FAM24B: variants seen among roughly 807,000 people sequenced by gnomAD.
The protein encoded by FAM24B is family with sequence similarity 24 member B.
In FAM24B, 3 loss-of-function variants were observed where a neutral mutation model predicts 2.3. The ratio of observed to expected loss-of-function variants is 1.29; its 90% CI spans 0.59 to 3.32. The LOEUF is 3.32. Ranked by LOEUF, FAM24B falls within the 30% of genes most tolerant of loss-of-function variation. The probability of loss-of-function intolerance (pLI) is 0.03; values close to 1 mark genes in which losing one functional copy is unlikely to be tolerated. For synonymous variants in FAM24B, 36 were observed against 46.3 expected, an observed-to-expected ratio of 0.78 and a Z score of 0.90; for missense variants, 98 against 117.2, an observed-to-expected ratio of 0.84 and a Z score of 0.76.
At chr10:122,851,894 A>G (rs566014117) in intron 2 of FAM24B, among the ~76,000 whole-genome samples, 8 of 152,336 alleles carry the variant, frequency 5.3e-5, no homozygotes, top group African/African-American at 1.9e-4. Context: ...AAATACCAAT[A>G]AAGATAAAAA....
At chr10:122,852,149 A>C (rs1847549409) in intron 2 of FAM24B, among the ~76,000 whole-genome samples, 1 of 152,214 alleles carries the variant, frequency 6.6e-6, no homozygotes, top group Non-Finnish European at 1.5e-5. Flanking sequence ...CCTCACAACA[A>C]GTAAAAAGCT....
In FAM24B at chr10:122,850,494, T is replaced by C. The variant is rs765327413; in HGVS notation, c.22A>G (p.Ile8Val). The change falls in exon 3 of 4, where the codon ATC becomes GTC. Residue 8 changes from isoleucine (I) to valine (V), a missense_variant. Transcript: ENST00000368898. ...ATCAGCAGGAGCAAGGCCGCCAGGA[T>C]ACCACCAGCGATGACAGGCATAATC... is the stretch of plus-strand genomic sequence containing the variant. MPVIAGG[I>V]LAALLLLIVV... 5.0e-6 allele frequency: 8 copies of C among 1,613,832 alleles called. No individual in the cohort carries two copies. The East Asian group carries it at 1.6e-4, about 31-fold the overall frequency.
intron 1 of FAM24B, among the ~76,000 whole-genome samples, chr10:122,865,191 G>GT (rs1339550328): frequency 1.3e-5 from 2 of 152,020 alleles, no homozygotes; most frequent in Non-Finnish European, 2.9e-5. Context: ...GTCAGGTTTT[G>GT]TTTTTTTATT....
intron 2 of FAM24B, 42 bp from the exon 3 acceptor site, chr10:122,850,592 T>TC: frequency 1.0e-6 from 1 of 989,566 alleles, no homozygotes; most frequent in Non-Finnish European, 1.6e-6. Flanking sequence ...CCACGTGGTC[T>TC]CCCTCCCCAC....
chr10:122,866,141 A>G (rs1300527202), intron 1 of FAM24B, among the ~76,000 whole-genome samples: 3 of 152,090 alleles, frequency 2.0e-5, no homozygotes, highest in Non-Finnish European at 4.4e-5. Flanking sequence ...ACCTCAGGTC[A>G]CCTGCCCAGC....
intron 1 of FAM24B, among the ~76,000 whole-genome samples, chr10:122,860,474 A>G (rs1391381491): frequency 6.6e-6 from 1 of 152,210 alleles, no homozygotes; most frequent in African/African-American, 2.4e-5. Context: ...AGCTGCTATA[A>G]TACATCCCAT....
At chr10:122,861,371 T>C (rs1453201920) in intron 1 of FAM24B, among the ~76,000 whole-genome samples, 1 of 152,232 alleles carries the variant, frequency 6.6e-6, no homozygotes, top group African/African-American at 2.4e-5. Context: ...CACTGTAGCT[T>C]CAAAATAAGT....
At chr10:122,854,901 C>T (rs1288874485) in intron 2 of FAM24B, among the ~76,000 whole-genome samples, 2 of 152,338 alleles carry the variant, frequency 1.3e-5, no homozygotes, top group African/African-American at 2.4e-5. Flanking sequence ...GCAAACACCC[C>T]GATGCCTGCT....
chr10:122,860,306 G>A (rs1847707613), intron 1 of FAM24B, among the ~76,000 whole-genome samples: 1 of 152,060 alleles, frequency 6.6e-6, no homozygotes, highest in Non-Finnish European at 1.5e-5. Flanking sequence ...TAGCCTTTTG[G>A]ACCTGGCGTT....
intron 1 of FAM24B, among the ~76,000 whole-genome samples, chr10:122,860,810 T>G (rs1257718525): frequency 6.6e-6 from 1 of 152,210 alleles, no homozygotes; most frequent in African/African-American, 2.4e-5. Context: ...GCCATCCATA[T>G]GCTTATTGGT....
chr10:122,865,797 A>G (rs1589673742), intron 1 of FAM24B, among the ~76,000 whole-genome samples: 1 of 151,484 alleles, frequency 6.6e-6, no homozygotes, highest in South Asian at 2.1e-4. Flanking sequence ...TTTACTAGAT[A>G]TAGGCCTATT....
chr10:122,870,608 C>A (rs1045760541), intron 1 of FAM24B, among the ~76,000 whole-genome samples: 4 of 152,286 alleles, frequency 2.6e-5, no homozygotes, highest in African/African-American at 9.6e-5. Flanking sequence ...GGGCTTCATC[C>A]CTGGGATGCA....
chr10:122,873,782 T>C (rs374295361), intron 1 of FAM24B, among the ~76,000 whole-genome samples: 1 of 152,268 alleles, frequency 6.6e-6, no homozygotes. Context: ...CTGTAAGCAC[T>C]GCTCTTGTTG....
At position 122,854,109 on chromosome 10, in the gene FAM24B, G is replaced by A. The variant is rs111442824; in HGVS notation, c.-36+1536C>T. ...AGTCTGGTACTCACTTTTTCTGACT[G>A]AGCCTCTAAATTTAGACAGTGCAGT... On this transcript the variant is annotated intron_variant, in intron 2 of 3. Transcript: ENST00000368898. 8.7e-4 allele frequency among the ~76,000 whole-genome samples: 132 copies of A among 152,158 alleles called. 1 individual carries two copies. The highest frequency in any genetic ancestry group is 1.5e-3 in the Non-Finnish European group (104 of 68,026).
rs769235090 is a variant in FAM24B at position 122,850,531 on chromosome 10, G to A, written c.-16C>T. 1 of 1,588,324 alleles carries A rather than the reference G, an allele frequency of 6.3e-7. No individual in the cohort carries two copies. Among genetic ancestry groups the A allele is most frequent in the Non-Finnish European group, 8.6e-7 (1 of 1,156,482 alleles). On this transcript the variant is annotated 5_prime_UTR_variant, in exon 3 of 4. Transcript: ENST00000368898. ...TGACAGGCATAATCACTGTATGGAG[G>A]TCAAAAGACTTCGATGTACCTAGGC... is the stretch of plus-strand genomic sequence containing the variant.
rs113977652 is a variant in FAM24B at position 122,851,485 on chromosome 10, G to A, written c.-35-935C>T. On this transcript the variant is annotated intron_variant, in intron 2 of 3. Coordinates refer to ENST00000368898, the MANE Select transcript of FAM24B (RefSeq NM_152644.3). ...AGGACACACGCTGTGTGACATCAAC[G>A]CTCTGGACACCAGCTCTCTTTCATG... Among the ~76,000 whole-genome samples the A allele has an allele frequency of 3.8e-3, 583 of 152,282 alleles. 2 individuals are homozygous for A. Among genetic ancestry groups the A allele is most frequent in the African/African-American group, 0.013 (559 of 41,564 alleles).
intron 1 of FAM24B, among the ~76,000 whole-genome samples, chr10:122,868,788 A>T (rs1199006732): frequency 3.3e-5 from 5 of 152,258 alleles, no homozygotes; most frequent in African/African-American, 1.2e-4. Context: ...AGGAAGCACT[A>T]AACATGGAAA....
At chr10:122,851,829 G>C (rs1373188461) in intron 2 of FAM24B, among the ~76,000 whole-genome samples, 2 of 151,972 alleles carry the variant, frequency 1.3e-5, no homozygotes, top group Non-Finnish European at 2.9e-5. Flanking sequence ...TATGTTCAAA[G>C]GAATCCATGT....
chr10:122,859,150 G>A (rs1847688159), intron 1 of FAM24B, among the ~76,000 whole-genome samples: 2 of 152,084 alleles, frequency 1.3e-5, no homozygotes, highest in East Asian at 1.9e-4. Flanking sequence ...TGATTCAGAT[G>A]GTTTAGTACT....
Sources: gnomAD v4.1 joint callset for allele counts (sites outside exome capture counted in the v4.1 genomes callset) on GRCh38, gnomAD v4.1.1 for gene constraint, MANE v1.5 for transcripts, NCBI Gene and HGNC (gene_info 2026-07-23, HGNC 2026-07-21) for gene names.